CCSER1: variants seen among roughly 807,000 people sequenced by gnomAD.
CCSER1 encodes coiled-coil serine rich protein 1, also known as serine-rich coiled-coil domain-containing protein 1.
In CCSER1, 41 loss-of-function variants were observed where a neutral mutation model predicts 82.0. That is an observed-to-expected ratio of 0.50 (90% CI 0.39 to 0.65). The LOEUF (loss-of-function observed/expected upper bound fraction) is 0.65. Ranked by LOEUF, CCSER1 falls within the 30% of genes least tolerant of loss-of-function variation. The pLI, the probability that CCSER1 is intolerant of heterozygous loss-of-function variation, is 0.00. For missense variants in CCSER1, 1,119 were observed against 1,064.2 expected (o/e 1.05, Z -0.72); for synonymous variants, 414 against 383.9 (o/e 1.08, Z -0.92).
chr4:90,932,978 GA>G lies in CCSER1; in HGVS notation c.2172+9534del, dbSNP rs1450544774. On this transcript the variant is annotated intron_variant, in intron 9 of 10. Transcript: ENST00000509176. The stretch of plus-strand genomic sequence containing the variant: ...AGAAAGAAAGAAAGAAAGAAAGAAA[GA>G]AAGAGAAAGAAAGAAAGAAAGAAAG... Among the ~76,000 whole-genome samples the G allele has an allele frequency of 1.1e-4, 3 of 27,940 alleles. 1 individual carries two copies. Among genetic ancestry groups the G allele is most frequent in the African/African-American group, 5.4e-4 (2 of 3,686 alleles). The allele number at this position is 27,940 out of a possible 152,430, so 18.3% of individuals were successfully genotyped here. A position where few individuals can be genotyped will look rare whatever the true frequency, so the allele number is the denominator to read the frequency against.
chr4:91,058,124 C>G (rs1239697366), intron 9 of CCSER1, among the ~76,000 whole-genome samples: 2 of 152,020 alleles, frequency 1.3e-5, no homozygotes, highest in African/African-American at 4.8e-5. Context: ...GGTGTTAAGC[C>G]TAGTGCCTGT....
intron 3 of CCSER1, among the ~76,000 whole-genome samples, chr4:90,378,949 ACACACAT>A (rs1748787093): frequency 6.6e-6 from 1 of 152,190 alleles, no homozygotes; most frequent in Non-Finnish European, 1.5e-5. Context: ...GTGAACAGGA[ACACACAT>A]CTACCTAGTC....
intron 6 of CCSER1, among the ~76,000 whole-genome samples, chr4:90,719,806 G>C (rs151273087): frequency 1.8e-3 from 273 of 152,208 alleles, no homozygotes; most frequent in African/African-American, 6.4e-3. Context: ...CCACTGTAAA[G>C]TTACATTTTC....
At chr4:90,460,279 C>A (rs1410136337) in intron 4 of CCSER1, among the ~76,000 whole-genome samples, 1 of 129,732 alleles carries the variant, frequency 7.7e-6, no homozygotes, top group Non-Finnish European at 1.5e-5. Flanking sequence ...GAGTCGAGAT[C>A]GCGCCACTGC....
chr4:90,693,479 G>A (rs1736400686), intron 6 of CCSER1: 1 of 151,850 alleles, frequency 6.6e-6, no homozygotes, highest in African/African-American at 2.4e-5. Flanking sequence ...GAAATTCATT[G>A]GCAGGGTGAG....
At chr4:91,152,823 C>G (rs1188689604) in intron 10 of CCSER1, among the ~76,000 whole-genome samples, 1 of 149,694 alleles carries the variant, frequency 6.7e-6, no homozygotes, top group Non-Finnish European at 1.5e-5. Context: ...AGATTCTTTT[C>G]TTTAAGAATG....
At chr4:91,479,916 C>T (rs1264327902) in intron 10 of CCSER1, among the ~76,000 whole-genome samples, 2 of 128,198 alleles carry the variant, frequency 1.6e-5, no homozygotes, top group Non-Finnish European at 3.3e-5. Flanking sequence ...CCACAGTCCC[C>T]AGAGTGTGAT....
intron 10 of CCSER1, among the ~76,000 whole-genome samples, chr4:91,142,429 T>C (rs1362083900): frequency 1.3e-5 from 2 of 152,154 alleles, no homozygotes; most frequent in Non-Finnish European, 2.9e-5. Flanking sequence ...ACTAATATAC[T>C]CTGTTAGTTT....
chr4:90,535,811 G>A (rs112450622), intron 5 of CCSER1, among the ~76,000 whole-genome samples: 135 of 152,052 alleles, frequency 8.9e-4, no homozygotes, highest in Non-Finnish European at 1.4e-3. Context: ...AAATCAATGG[G>A]AATGATACTT....
At chr4:91,369,018 T>C (rs1460630393) in intron 10 of CCSER1, among the ~76,000 whole-genome samples, 1 of 152,186 alleles carries the variant, frequency 6.6e-6, no homozygotes, top group African/African-American at 2.4e-5. Context: ...GTCCTTATCT[T>C]TTCTTGTAAG....
chr4:90,649,205 A>C (rs539132116), intron 6 of CCSER1, among the ~76,000 whole-genome samples: 5 of 152,204 alleles, frequency 3.3e-5, no homozygotes, highest in Non-Finnish European at 7.4e-5. Flanking sequence ...ATTGGGAGAA[A>C]TGAAGATCAA....
intron 4 of CCSER1, among the ~76,000 whole-genome samples, chr4:90,413,625 G>T (rs1006402592): frequency 3.3e-5 from 5 of 151,874 alleles, no homozygotes; most frequent in Admixed American, 3.3e-4. Flanking sequence ...TGATTGTATT[G>T]AATAATTTGA....
chr4:90,756,155 G>A (rs1001544734), intron 7 of CCSER1, among the ~76,000 whole-genome samples: 1 of 152,118 alleles, frequency 6.6e-6, no homozygotes, highest in African/African-American at 2.4e-5. Flanking sequence ...TTGAATCCGG[G>A]AGACAGAGAT....
At chr4:91,039,601 G>T (rs1465738647) in intron 9 of CCSER1, among the ~76,000 whole-genome samples, 1 of 151,732 alleles carries the variant, frequency 6.6e-6, no homozygotes, top group East Asian at 1.9e-4. Flanking sequence ...TTGCCATTTG[G>T]CTACTATATT....
intron 4 of CCSER1, among the ~76,000 whole-genome samples, chr4:90,401,641 C>G (rs1345017962): frequency 2.0e-5 from 3 of 152,136 alleles, no homozygotes; most frequent in African/African-American, 7.2e-5. Flanking sequence ...TCAAGTAAAT[C>G]TCCCATCTCA....
intron 5 of CCSER1, among the ~76,000 whole-genome samples, chr4:90,549,935 G>A (rs534095524): frequency 1.5e-4 from 23 of 152,172 alleles, no homozygotes; most frequent in African/African-American, 5.5e-4. Context: ...TACTGGACAT[G>A]GGGGAAAGGA....
intron 1 of CCSER1, among the ~76,000 whole-genome samples, chr4:90,135,352 ACAAC>A (rs1163296774): frequency 2.0e-4 from 31 of 151,578 alleles, no homozygotes; most frequent in African/African-American, 7.6e-4. Context: ...TTGAAAAAAA[ACAAC>A]AACTGGGATC....
chr4:91,141,083 T>A (rs547864154), intron 10 of CCSER1, among the ~76,000 whole-genome samples: 4 of 152,132 alleles, frequency 2.6e-5, no homozygotes, highest in Non-Finnish European at 5.9e-5. Flanking sequence ...GTTTCTACAT[T>A]AATTTACTTT....
intron 1 of CCSER1, among the ~76,000 whole-genome samples, chr4:90,258,179 G>T (rs1371235525): frequency 6.6e-6 from 1 of 152,072 alleles, no homozygotes; most frequent in African/African-American, 2.4e-5. Context: ...GTATTTAAGG[G>T]CTACTGGTAT....
Sources: gnomAD v4.1 joint callset for allele counts (sites outside exome capture counted in the v4.1 genomes callset) on GRCh38, gnomAD v4.1.1 for gene constraint, MANE v1.5 for transcripts, NCBI Gene and HGNC (gene_info 2026-07-23, HGNC 2026-07-21) for gene names.